PRRC2B: variants seen among roughly 807,000 people sequenced by gnomAD.
PRRC2B encodes proline rich coiled-coil 2B.
Under a neutral mutation model 242.3 loss-of-function variants are expected in PRRC2B, and 68 were observed. The ratio of observed to expected loss-of-function variants is 0.28; its 90% CI spans 0.23 to 0.34. The LOEUF (loss-of-function observed/expected upper bound fraction) is 0.34. PRRC2B is among the 10% of genes least tolerant of loss of function. The probability of loss-of-function intolerance (pLI) is 1.00; values close to 1 mark genes in which losing one functional copy is unlikely to be tolerated. For missense variants in PRRC2B, 2,835 were observed against 2,954.8 expected (o/e 0.96, Z 0.94); for synonymous variants, 1,228 against 1,173.6 (o/e 1.05, Z -0.95).
At chr9:131,393,886 T>TCCCGCCGCTC (rs1415200286), upstream of PRRC2B, among the ~76,000 whole-genome samples, 59 of 129,628 alleles carry the variant, frequency 4.6e-4, no homozygotes, top group East Asian at 0.014. Context: ...CCCAGCCCCC[T>TCCCGCCGCTC]CCCGCCGCTC....
rs767675647 is a variant in PRRC2B, at chr9:131,483,440, A to G, written c.5455A>G (p.Ser1819Gly). ...TGTTAAACTTCAGGATGCCTTGGCC[A>G]GTAATGTAAGTCCACACTTCCACTT... ...PVVKLQDALASNAGLTQSIPI... is the reference protein window; with the variant it reads ...PVVKLQDALAGNAGLTQSIPI... The change falls in exon 23 of 32, where the codon AGT (serine) becomes GGT (glycine). Residue 1819 changes from serine (S) to glycine (G), a missense_variant. Transcript: ENST00000683519. 13 of 1,613,568 alleles carry G rather than the reference A, an allele frequency of 8.1e-6. No individual in the cohort carries two copies. Among genetic ancestry groups the G allele is most frequent in the East Asian group, 4.5e-5 (2 of 44,894 alleles).
At chr9:131,455,990 G>A (rs1402499486) in intron 10 of PRRC2B, among the ~76,000 whole-genome samples, 2 of 152,012 alleles carry the variant, frequency 1.3e-5, no homozygotes, top group African/African-American at 4.8e-5. Context: ...GCGTGTGCTT[G>A]TAATCCCAGC....
chr9:131,490,646 G>A (rs1027137118), intron 28 of PRRC2B: 21 of 516,714 alleles, frequency 4.1e-5, no homozygotes, highest in African/African-American at 2.5e-4. Context: ...TCCCCACCTC[G>A]CATATCTTGT....
intron 18 of PRRC2B, 30 bp downstream of exon 18, chr9:131,478,649 G>GCCCCCCGGGCC: frequency 2.0e-6 from 1 of 504,558 alleles, no homozygotes; most frequent in East Asian, 5.1e-5. Flanking sequence ...GGGGCATGGG[G>GCCCCCCGGGCC]CTGGAGGGCA....
rs898663052 is a variant in PRRC2B, at chr9:131,443,116, A to G, written c.470-1069A>G. Among the ~76,000 whole-genome samples, 3 of 132,088 alleles carry G rather than the reference A, an allele frequency of 2.3e-5. No homozygotes were observed. The East Asian group carries it at 7.1e-4, about 31-fold the overall frequency. The allele number at this position is 132,088 out of a possible 152,430, so 86.7% of individuals were successfully genotyped here. ...AGCATTTGTTTATTTTATTTTATTT[A>G]TTTTATTTTATTTTATTTTATTATT... On this transcript the variant is annotated intron_variant, in intron 5 of 31. Transcript: ENST00000683519.
chr9:131,487,430 C>G lies in PRRC2B; in HGVS notation c.5984+136C>G. 1.2e-6 allele frequency: 1 copy of G among 819,552 alleles called. No individual in the cohort carries two copies. The highest frequency in any genetic ancestry group is 1.9e-6 in the Non-Finnish European group (1 of 536,524). The allele number at this position is 819,552 out of a possible 1,614,324, so 50.8% of individuals were successfully genotyped here. ...GGGCGGGGAGGGGTGGGAGTTTGCT[C>G]TGAATCACTCTTCAGTCCGTTGTTA... On this transcript the variant is annotated intron_variant, in intron 27 of 31. Coordinates refer to ENST00000683519, the MANE Select transcript of PRRC2B (RefSeq NM_013318.4). The surrounding 1 kb of genome is among the most constrained non-coding windows in gnomAD (Gnocchi z 5.3).
In PRRC2B at chr9:131,474,463, C is replaced by T. The variant is rs373788614; in HGVS notation, c.2334C>T (p.Ser778=). 8.7e-6 allele frequency: 14 copies of T among 1,603,520 alleles called. No homozygotes were observed. Among genetic ancestry groups the T allele is most frequent in the Non-Finnish European group, 1.1e-5 (13 of 1,173,724 alleles). The part of the protein sequence containing the change: ...LAMDMRVRNE[S]SFSASLGRAG... ...TCTGGTTCCTTTTCAGGAATGAAAG[C>T]TCTTTCTCTGCCTCACTCGGAAGGG... Residue 778 remains serine (S), a synonymous_variant, in exon 16 of 32, where the codon AGC becomes AGT. Transcript: ENST00000683519.
chr9:131,395,256 A>C (rs941713300), intron 1 of PRRC2B, among the ~76,000 whole-genome samples: 1 of 151,976 alleles, frequency 6.6e-6, no homozygotes, highest in African/African-American at 2.4e-5. Flanking sequence ...AGGACTGTTA[A>C]ACTTTCCCTA....
chr9:131,432,897 G>A (rs930718717), intron 3 of PRRC2B, 103 bp downstream of exon 3: 11 of 1,174,740 alleles, frequency 9.4e-6, no homozygotes, highest in East Asian at 4.9e-5. Context: ...CTACTGCAGC[G>A]CTAGTCTTGC....
In PRRC2B at chr9:131,495,909, A is replaced by T. The variant is rs1564305080; in HGVS notation, c.*35A>T. On this transcript the variant is annotated 3_prime_UTR_variant, in exon 32 of 32. Coordinates refer to ENST00000683519, the MANE Select transcript of PRRC2B (RefSeq NM_013318.4). ...GCTGCCACCTCGCCTCTCCCTACTG[A>T]GGACGGTGCCGCCATGCGGCCTCGA... The T allele has an allele frequency of 1.3e-6, 2 of 1,587,368 alleles. No individual in the cohort carries two copies. The highest frequency in any genetic ancestry group is 1.7e-6 in the Non-Finnish European group (2 of 1,160,652).
intron 1 of PRRC2B, among the ~76,000 whole-genome samples, chr9:131,420,455 T>TCTTTTTC (rs1554758582): frequency 2.0e-4 from 2 of 10,068 alleles, no homozygotes; most frequent in East Asian, 3.0e-3. Flanking sequence ...CTTTTTCTTT[T>TCTTTTTC]TCTTTCTTTC....
At chr9:131,441,269 A>G (rs1298544705) in intron 5 of PRRC2B, among the ~76,000 whole-genome samples, 1 of 152,204 alleles carries the variant, frequency 6.6e-6, no homozygotes, top group Non-Finnish European at 1.5e-5. Context: ...AAGGGGGCAA[A>G]TGGGCATAGG....
Position 131,476,458 on chromosome 9 carries a change from G to C in PRRC2B, c.4329G>C (p.Lys1443Asn), listed in dbSNP as rs1435338582. ...RKLEPGGFGEKPVRPGGGDTS... is the reference protein window; with the variant it reads ...RKLEPGGFGENPVRPGGGDTS... Reference sequence around the variant, plus strand: ...TGGAGCCGGGAGGGTTTGGGGAGAAGCCCGTTAGGCCAGGTGGTGGTGACA... The same window carrying C: ...TGGAGCCGGGAGGGTTTGGGGAGAACCCCGTTAGGCCAGGTGGTGGTGACA... Residue 1443 changes from lysine to asparagine, a missense_variant, in exon 16 of 32, where the codon AAG becomes AAC. This residue lies in a region of PRRC2B where 1,536 missense variants were observed against 1,483.1 expected (regional missense o/e 1.04). Coordinates refer to ENST00000683519, the MANE Select transcript of PRRC2B (RefSeq NM_013318.4). The C allele has an allele frequency of 6.2e-7, 1 of 1,613,354 alleles. No homozygotes were observed. The highest frequency in any genetic ancestry group is 1.1e-5 in the South Asian group (1 of 91,028).
At chr9:131,428,938 C>G (rs372187081) in intron 1 of PRRC2B, among the ~76,000 whole-genome samples, 1 of 152,150 alleles carries the variant, frequency 6.6e-6, no homozygotes, top group Non-Finnish European at 1.5e-5. Context: ...GGCCCTTGGT[C>G]GGCACTTAGT....
intron 29 of PRRC2B, 99 bp downstream of exon 29, chr9:131,491,679 T>C: frequency 8.4e-7 from 1 of 1,187,572 alleles, no homozygotes; most frequent in East Asian, 2.7e-5. Context: ...AAAGAGCCAG[T>C]GGCGTGGGAC....
intron 18 of PRRC2B, 30 bp downstream of exon 18, chr9:131,478,649 G>GGGGGGGGGCCCAGGGGC: frequency 2.0e-6 from 1 of 504,562 alleles, no homozygotes. Flanking sequence ...GGGGCATGGG[G>GGGGGGGGGCCCAGGGGC]CTGGAGGGCA....
intron 9 of PRRC2B, among the ~76,000 whole-genome samples, 164 bp from the exon 10 acceptor site, chr9:131,454,912 G>A (rs896628030): frequency 2.1e-5 from 3 of 141,934 alleles, no homozygotes; most frequent in African/African-American, 5.2e-5. Context: ...GGGATTACAG[G>A]CATGAGCCAC....
chr9:131,406,864 G>C (rs1267283050), intron 1 of PRRC2B, among the ~76,000 whole-genome samples: 1 of 152,146 alleles, frequency 6.6e-6, no homozygotes, highest in Non-Finnish European at 1.5e-5. Flanking sequence ...GAAAGTGAAA[G>C]TCATTCCTTC....
chr9:131,488,714 T>G (rs1039670803), intron 28 of PRRC2B, among the ~76,000 whole-genome samples: 1 of 152,154 alleles, frequency 6.6e-6, no homozygotes, highest in Non-Finnish European at 1.5e-5. Context: ...TGTTGATGCT[T>G]CTAGACTCCT....
Sources: allele counts gnomAD v4.1 joint callset (sites outside exome capture counted in the v4.1 genomes callset), GRCh38; gene constraint gnomAD v4.1.1; regional missense constraint gnomAD v4.1.1; non-coding constraint Gnocchi (gnomAD v3.1); transcripts MANE v1.5; gene names NCBI Gene and HGNC (gene_info 2026-07-23, HGNC 2026-07-21).